SANBR: variants seen among roughly 807,000 people sequenced by gnomAD.
The protein encoded by SANBR is SANT and BTB domain regulator of CSR, also known as SANT and BTB domain regulator of class switch recombination.
Under a neutral mutation model 101.8 loss-of-function variants are expected in SANBR, and 77 were observed. That is an observed-to-expected ratio of 0.76 (90% CI 0.63 to 0.91). The LOEUF (loss-of-function observed/expected upper bound fraction) is 0.91, where lower values mean the gene tolerates loss of function less well. Among genes scored for constraint, SANBR ranks in the 40% least tolerant of loss-of-function variants. The pLI is 0.00. For synonymous variants in SANBR, 279 were observed against 274.7 expected, an observed-to-expected ratio of 1.02 and a Z score of -0.15; for missense variants, 875 against 853.0, an observed-to-expected ratio of 1.03 and a Z score of -0.32.
chr2:61,067,709 C>G (rs965297101), intron 1 of SANBR, among the ~76,000 whole-genome samples: 3 of 152,134 alleles, frequency 2.0e-5, no homozygotes, highest in Non-Finnish European at 2.9e-5. Context: ...GCACTCTGGC[C>G]TGATGAGAGA....
intron 20 of SANBR, among the ~76,000 whole-genome samples, chr2:61,118,372 G>C (rs1333653109): frequency 6.6e-6 from 1 of 151,844 alleles, no homozygotes; most frequent in African/African-American, 2.4e-5. Flanking sequence ...CTCCCAAATA[G>C]CTGGGTTACA....
intron 20 of SANBR, among the ~76,000 whole-genome samples, chr2:61,132,280 G>A (rs1013059096): frequency 3.9e-5 from 6 of 152,172 alleles, no homozygotes; most frequent in African/African-American, 4.8e-5. Flanking sequence ...ATAAGGAAAC[G>A]TGTATCCAGA....
chr2:61,121,672 G>T, intron 21 of SANBR: 1 of 170,006 alleles, frequency 5.9e-6, no homozygotes. Flanking sequence ...CTAACTGATG[G>T]GTCTTATGTC....
rs960145921 is a variant in SANBR, at chr2:61,118,056, G to A, written c.1968G>A (p.Gly656=). The change falls in exon 20 of 22, where the codon GGG becomes GGA. Residue 656 remains glycine (G), a synonymous_variant. Coordinates refer to ENST00000402291, the MANE Select transcript of SANBR (RefSeq NM_001129993.3). ...DDQRRMTEIT[G]HLIKMRLGDL... ...AACGGCGAATGACTGAAATTACAGG[G>A]CACCTAATAAAAATGAGATTGGGGG... The A allele has an allele frequency of 3.1e-6, 5 of 1,613,322 alleles. No homozygotes were observed. The highest frequency in any genetic ancestry group is 3.3e-5 in the Admixed American group (2 of 59,900).
chr2:61,075,029 C>A (rs778421078), intron 5 of SANBR: 1 of 151,596 alleles, frequency 6.6e-6, no homozygotes, highest in Non-Finnish European at 1.5e-5. Context: ...AACTCCTGGG[C>A]TCAAGCAGTC....
chr2:61,093,771 A>G (rs1682893144), intron 11 of SANBR, among the ~76,000 whole-genome samples: 1 of 152,238 alleles, frequency 6.6e-6, no homozygotes, highest in South Asian at 2.1e-4. Context: ...TGCTATTGAT[A>G]TGTGCCTTTG....
Position 61,088,232 on chromosome 2 carries a change from G to A in SANBR, c.964G>A (p.Ala322Thr), listed in dbSNP as rs960257673. 3.1e-6 allele frequency: 5 copies of A among 1,608,044 alleles called. No individual in the cohort carries two copies. In the Admixed American group the frequency reaches 8.5e-5, roughly 27 times the overall value. ...YLNPDSRSNA[A>T]TLYRCCLCKK... ...GAATCCAGATTCTCGGAGTAATGCA[G>A]CAACATTGTATAGGTATGCTAACAT... Residue 322 changes from alanine to threonine, a missense_variant, in exon 9 of 22, where the codon GCA (alanine) becomes ACA (threonine). By Grantham distance (58) the Ala-to-Thr change is moderately conservative. Coordinates refer to ENST00000402291, the MANE Select transcript of SANBR (RefSeq NM_001129993.3).
rs771838896 is a variant in SANBR, at chr2:61,117,350, T to C, written c.1837-7T>C. 2 of 1,613,464 alleles carry C rather than the reference T, an allele frequency of 1.2e-6. No individual in the cohort carries two copies. The highest frequency in any genetic ancestry group is 2.2e-5 in the South Asian group (2 of 91,070). Reference sequence around the variant, plus strand: ...ATTGGGCCTTAATGTTGTCTACTTTTTTTTAGTCAGCTTCTAGAGATGTGT... The same window carrying C: ...ATTGGGCCTTAATGTTGTCTACTTTCTTTTAGTCAGCTTCTAGAGATGTGT... On this transcript the variant is annotated splice_region_variant and splice_polypyrimidine_tract_variant and intron_variant, in intron 17 of 21. Transcript: ENST00000402291.
rs1681400897 is a variant in SANBR at position 61,070,448 on chromosome 2, C to T, written c.98C>T (p.Thr33Ile). 6.2e-7 allele frequency: 1 copy of T among 1,601,950 alleles called. No homozygotes were observed. Among genetic ancestry groups the T allele is most frequent in the Admixed American group, 1.7e-5 (1 of 57,642 alleles). The part of the protein sequence containing the change: ...ILYPLIGIPQ[T>I]INWETIARLV... ...TATCCATTAATTGGAATCCCTCAGA[C>T]TATCAACTGGGAAACTATAGCAAGG... is the stretch of plus-strand genomic sequence containing the variant. Residue 33 changes from threonine to isoleucine, a missense_variant, in exon 3 of 22, where the codon ACT (threonine) becomes ATT (isoleucine). Coordinates refer to ENST00000402291, the MANE Select transcript of SANBR (RefSeq NM_001129993.3).
rs746699848 is a variant in SANBR, at chr2:61,103,853, G to A, written c.1366G>A (p.Gly456Ser). 1.5e-5 allele frequency: 24 copies of A among 1,613,738 alleles called. No individual in the cohort carries two copies. The South Asian group carries it at 2.5e-4, about 17-fold the overall frequency. Reference protein sequence around the residue: ...LRFDPTQLTKGCKVRDHMVTL... With the variant: ...LRFDPTQLTKSCKVRDHMVTL... ...TAATTTATTGTCTCTTATGTGACAG[G>A]GCTGTAAAGTGAGGGACCACATGGT... The change falls in exon 13 of 22, where the codon GGC becomes AGC. Residue 456 changes from glycine to serine, a missense_variant and splice_region_variant. Coordinates refer to ENST00000402291, the MANE Select transcript of SANBR (RefSeq NM_001129993.3).
Position 61,124,232 on chromosome 2 carries a change from T to A in SANBR, c.*2070T>A. 1 of 969,342 alleles carries A rather than the reference T, an allele frequency of 1.0e-6. No homozygotes were observed. Among genetic ancestry groups the A allele is most frequent in the Non-Finnish European group, 1.2e-6 (1 of 815,120 alleles). 60.0% of individuals were successfully genotyped at this position (969,342 alleles called of 1,614,324 possible). A position where few individuals can be genotyped will look rare whatever the true frequency, so the allele number is the denominator to read the frequency against. ...GATACTTTAATATTTCACCTTACAT[T>A]AATCCTGGATTCACATTTCTTTAAT... On this transcript the variant is annotated 3_prime_UTR_variant, in exon 22 of 22. Transcript: ENST00000402291.
At chr2:61,133,123 AT>A (rs2104993877) in intron 20 of SANBR, among the ~76,000 whole-genome samples, 1 of 152,258 alleles carries the variant, frequency 6.6e-6, no homozygotes, top group South Asian at 2.1e-4. Context: ...ATGGTGGTGC[AT>A]TCCTGTAATC....
chr2:61,079,037 T>TA (rs538451616), intron 6 of SANBR, among the ~76,000 whole-genome samples: 23 of 147,122 alleles, frequency 1.6e-4, no homozygotes, highest in Non-Finnish European at 1.5e-4. Context: ...AGACCCTTTC[T>TA]AAAAAAAAAA....
At chr2:61,078,416 G>A (rs918701988) in intron 6 of SANBR, among the ~76,000 whole-genome samples, 3 of 151,838 alleles carry the variant, frequency 2.0e-5, no homozygotes, top group African/African-American at 7.3e-5. Context: ...ATCAAACAGT[G>A]CTACTCTTTA....
intron 4 of SANBR, 123 bp from the exon 5 acceptor site, chr2:61,073,335 C>T: frequency 2.1e-6 from 1 of 467,248 alleles, no homozygotes; most frequent in Non-Finnish European, 3.9e-6. Context: ...TGATAAGTAC[C>T]ATCTTTAGCC....
At position 61,068,911 on chromosome 2, in the gene SANBR, C is replaced by T. The variant is rs1681318029; in HGVS notation, c.-84C>T. 1 of 152,310 alleles carries T rather than the reference C, an allele frequency of 6.6e-6. No homozygotes were observed. The highest frequency in any genetic ancestry group is 2.1e-4 in the South Asian group (1 of 4,828). The allele number at this position is 152,310 out of a possible 1,614,324, so 9.4% of individuals were successfully genotyped here. A position where few individuals can be genotyped will look rare whatever the true frequency, so the allele number is the denominator to read the frequency against. On this transcript the variant is annotated 5_prime_UTR_variant, in exon 2 of 22. Transcript: ENST00000402291. ...CCAGATAATGCCATAAGTAGTAGAA[C>T]TGCGATGCAAACTTGGACAGTCTGA...
chr2:61,092,317 G>T, intron 10 of SANBR, 147 bp from the exon 11 acceptor site: 1 of 434,748 alleles, frequency 2.3e-6, no homozygotes, highest in Admixed American at 4.7e-5. Flanking sequence ...CCTGGAGGTG[G>T]TGGTTACAGT....
At chr2:61,068,796 A>G (rs1019249176) in intron 1 of SANBR, 53 bp from the exon 2 acceptor site, 1 of 152,390 alleles carries the variant, frequency 6.6e-6, no homozygotes, top group Non-Finnish European at 1.5e-5. Context: ...AGCACTTTCC[A>G]TATATCCTCA....
chr2:61,080,373 A>G (rs914183320), intron 6 of SANBR, among the ~76,000 whole-genome samples: 2 of 152,114 alleles, frequency 1.3e-5, no homozygotes, highest in African/African-American at 2.4e-5. Context: ...AATGGGGTAC[A>G]TTACCATTTC....
Sources: allele counts gnomAD v4.1 joint callset (sites outside exome capture counted in the v4.1 genomes callset), GRCh38; gene constraint gnomAD v4.1.1; transcripts MANE v1.5; gene names NCBI Gene and HGNC (gene_info 2026-07-23, HGNC 2026-07-21).